The following HSPA12A variants were observed in gnomAD, a reference collection of about 807,000 sequenced individuals.
The protein encoded by HSPA12A is heat shock protein family A (Hsp70) member 12A.
In HSPA12A, 28 loss-of-function variants were observed where a neutral mutation model predicts 69.2. The ratio of observed to expected loss-of-function variants is 0.40; its 90% confidence interval spans 0.30 to 0.55. The LOEUF is 0.55. Ranked by LOEUF, HSPA12A falls within the 20% of genes least tolerant of loss-of-function variation. The probability of loss-of-function intolerance (pLI) is 0.38; values close to 1 mark genes in which losing one functional copy is unlikely to be tolerated. For missense variants in HSPA12A, 686 were observed against 900.7 expected, an observed-to-expected ratio of 0.76 and a Z score of 3.05; for synonymous variants, 345 against 370.5, an observed-to-expected ratio of 0.93 and a Z score of 0.79.
intron 2 of HSPA12A, 37 bp downstream of exon 2, chr10:116,707,149 GCGCGCACACACACA>G (rs1338146155): frequency 5.6e-5 from 25 of 446,434 alleles, no homozygotes; most frequent in African/African-American, 9.7e-5. Context: ...GCGCACCCAT[GCGCGCACACACACA>G]CACACACACA....
At chr10:116,817,528 G>A (rs576919092) in intron 2 of HSPA12A, among the ~76,000 whole-genome samples, 1 of 151,432 alleles carries the variant, frequency 6.6e-6, no homozygotes, top group Non-Finnish European at 1.5e-5. Context: ...TGTGTGGGTG[G>A]GGGTGGGGGG....
chr10:116,777,769 C>T (rs1554891298), intron 2 of HSPA12A, among the ~76,000 whole-genome samples: 1 of 152,216 alleles, frequency 6.6e-6, no homozygotes, highest in African/African-American at 2.4e-5. Context: ...ACTCTGTCAC[C>T]CAGGCTGGAG....
At chr10:116,741,640 G>C (rs2921979) in intron 1 of HSPA12A, among the ~76,000 whole-genome samples, 150,666 of 152,226 alleles carry the variant, frequency 0.99, 74,588 homozygotes, top group East Asian at 1. Context: ...AAACCTGCTC[G>C]TCCTCTTCCC....
In HSPA12A at chr10:116,786,444, AG is replaced by A. The variant is rs1554892365; in HGVS notation, c.91+48490del. Among the ~76,000 whole-genome samples the A allele has an allele frequency of 3.0e-3, 235 of 77,280 alleles. 1 individual carries two copies. Among genetic ancestry groups the A allele is most frequent in the Non-Finnish European group, 5.4e-3 (132 of 24,454 alleles). The allele number at this position is 77,280 out of a possible 152,430, so 50.7% of individuals were successfully genotyped here. A position where few individuals can be genotyped will look rare whatever the true frequency, so the allele number is the denominator to read the frequency against. ...GTGTGCACATTTTCCTGAAAAAAAAAGAAAAAAAAGATCTAGTGCTTTTGTC... is the reference window on the plus strand; with the variant it reads ...GTGTGCACATTTTCCTGAAAAAAAAAAAAAAAAAGATCTAGTGCTTTTGTC... On this transcript the variant is annotated intron_variant, in intron 2 of 12. Coordinates refer to the HSPA12A transcript ENST00000635765.
In HSPA12A at chr10:116,805,564, C is replaced by A. The variant is rs577023734; in HGVS notation, c.91+29371G>T. ...TACACAAAAGGAGAAAATGAAAAAG[C>A]TGTTTCCGTTGATGTTGGGCGGGGG... On this transcript the variant is annotated intron_variant, in intron 2 of 12. Transcript: ENST00000635765. 2.0e-5 allele frequency among the ~76,000 whole-genome samples: 3 copies of A among 152,184 alleles called. No individual in the cohort carries two copies. In the East Asian group the frequency reaches 5.8e-4, roughly 29 times the overall value.
At chr10:116,688,926 G>C (rs959361269) in intron 6 of HSPA12A, among the ~76,000 whole-genome samples, 3 of 152,180 alleles carry the variant, frequency 2.0e-5, no homozygotes, top group East Asian at 3.9e-4. Flanking sequence ...GGGATCAGCT[G>C]TTCTTTCTGT....
chr10:116,746,843 T>G (rs1851660595), upstream of HSPA12A, among the ~76,000 whole-genome samples: 1 of 152,216 alleles, frequency 6.6e-6, no homozygotes, highest in South Asian at 2.1e-4. Flanking sequence ...TTTGTTAAGC[T>G]TAAGAAACAC....
chr10:116,817,136 T>A (rs1287107145), intron 2 of HSPA12A, among the ~76,000 whole-genome samples: 1 of 152,190 alleles, frequency 6.6e-6, no homozygotes, highest in African/African-American at 2.4e-5. Context: ...TCATATTTAT[T>A]ATTTTTTTGT....
At chr10:116,730,287 G>A (rs1016358184) in intron 1 of HSPA12A, among the ~76,000 whole-genome samples, 1 of 152,154 alleles carries the variant, frequency 6.6e-6, no homozygotes, top group Non-Finnish European at 1.5e-5. Context: ...GAACCAACCC[G>A]TGAAGTGCTG....
At chr10:116,721,666 C>A (rs912614787) in intron 1 of HSPA12A, among the ~76,000 whole-genome samples, 2 of 152,176 alleles carry the variant, frequency 1.3e-5, no homozygotes, top group Non-Finnish European at 2.9e-5. Flanking sequence ...CCCCATCCCT[C>A]CCCTCCCCGG....
chr10:116,736,429 A>G (rs1851317275), intron 1 of HSPA12A, among the ~76,000 whole-genome samples: 1 of 152,218 alleles, frequency 6.6e-6, no homozygotes, highest in African/African-American at 2.4e-5. Context: ...CTTTCTGGCT[A>G]TGAGAGGCTC....
intron 2 of HSPA12A, among the ~76,000 whole-genome samples, chr10:116,760,757 T>G (rs1214761477): frequency 1.3e-5 from 2 of 152,224 alleles, no homozygotes; most frequent in African/African-American, 4.8e-5. Context: ...TTCTACTCTG[T>G]TAATGCCACA....
intron 2 of HSPA12A, among the ~76,000 whole-genome samples, chr10:116,785,130 G>A (rs1019445352): frequency 4.6e-5 from 7 of 152,132 alleles, no homozygotes; most frequent in South Asian, 2.1e-4. Flanking sequence ...AACCCTCATT[G>A]TGCCCTGCTC....
At chr10:116,680,833 GT>G (rs1334211736) in intron 9 of HSPA12A, among the ~76,000 whole-genome samples, 2 of 152,220 alleles carry the variant, frequency 1.3e-5, no homozygotes, top group African/African-American at 4.8e-5. Context: ...TCCCTAGAAA[GT>G]TCACCTTAGC....
chr10:116,743,355 T>C (rs1554887539), upstream of HSPA12A, among the ~76,000 whole-genome samples: 2 of 152,198 alleles, frequency 1.3e-5, no homozygotes, highest in Non-Finnish European at 2.9e-5. Context: ...AGGCACCCCC[T>C]GGGTCCGCGG....
intron 2 of HSPA12A, among the ~76,000 whole-genome samples, chr10:116,777,842 G>A (rs1554891303): frequency 6.6e-6 from 1 of 152,180 alleles, no homozygotes; most frequent in African/African-American, 2.4e-5. Flanking sequence ...ATTCTCCTGT[G>A]TCAGCCTCCC....
chr10:116,676,369 G>A (rs782136142), intron 11 of HSPA12A, 30 bp downstream of exon 11: 15 of 1,559,188 alleles, frequency 9.6e-6, no homozygotes, highest in East Asian at 4.5e-5. Context: ...GCTCTGCCTC[G>A]CCGAGTGGCC....
At chr10:116,742,664 T>C (rs1851554805), upstream of HSPA12A, 21 of 937,014 alleles carry the variant, frequency 2.2e-5, no homozygotes, top group East Asian at 1.1e-4. Context: ...GCCCCGCCCC[T>C]CCGAGCTCGG....
rs1427965037 is a variant in HSPA12A at position 116,673,850 on chromosome 10, GTTAAT to G, written c.*926_*930del. 6.6e-6 allele frequency: 1 copy of G among 152,140 alleles called. No homozygotes were observed. The highest frequency in any genetic ancestry group is 1.5e-5 in the Non-Finnish European group (1 of 68,020). The allele number at this position is 152,140 out of a possible 1,614,324, so 9.4% of individuals were successfully genotyped here. The stretch of plus-strand genomic sequence containing the variant: ...GATGAAGGTGAGTGGGAAGGAGGGG[GTTAAT>G]TTAAAATCTGTCTGCTTTTCAAGGT... On this transcript the variant is annotated 3_prime_UTR_variant, in exon 12 of 12. Coordinates refer to ENST00000369209, the MANE Select transcript of HSPA12A (RefSeq NM_025015.3).
Sources: gnomAD v4.1 joint callset for allele counts (sites outside exome capture counted in the v4.1 genomes callset) on GRCh38, gnomAD v4.1.1 for gene constraint, MANE v1.5 for transcripts, NCBI Gene and HGNC (gene_info 2026-07-23, HGNC 2026-07-21) for gene names.